The following ZNF433 variants were observed in gnomAD, a reference collection of about 807,000 sequenced individuals.
ZNF433 encodes zinc finger protein 433.
A neutral mutation model predicts 10.6 loss-of-function variants in ZNF433; 12 were observed. The observed-to-expected ratio is 1.13, with a 90% CI of 0.72 to 1.83. The LOEUF (loss-of-function observed/expected upper bound fraction) is 1.83. Among genes scored for constraint, ZNF433 ranks in the 40% most tolerant of loss-of-function variants. The pLI, the probability that ZNF433 is intolerant of heterozygous loss-of-function variation, is 0.00. For missense variants in ZNF433, 737 were observed against 798.0 expected, an observed-to-expected ratio of 0.92 and a Z score of 0.92; for synonymous variants, 272 against 271.3, an observed-to-expected ratio of 1.00 and a Z score of -0.02.
intron 1 of ZNF433, among the ~76,000 whole-genome samples, chr19:12,020,724 CTGAT>C (rs2145427036): frequency 6.6e-6 from 1 of 152,046 alleles, no homozygotes; most frequent in African/African-American, 2.4e-5. Flanking sequence ...CGAGACCAGA[CTGAT>C]TAACATGGTG....
In ZNF433 at chr19:12,022,184, G is replaced by A. The variant is rs1195661478; in HGVS notation, c.4-3892C>T. ...ACCCAGGGTAGAAAACCACTTAAAG[G>A]TGTTCCTAAACCACAAACAATAGCG... On this transcript the variant is annotated intron_variant, in intron 1 of 3. Transcript: ENST00000550507. 4 of 376,778 alleles carry A rather than the reference G, an allele frequency of 1.1e-5. No individual in the cohort carries two copies. In the Middle Eastern group the frequency reaches 2.8e-3, roughly 268 times the overall value. The allele number at this position is 376,778 out of a possible 1,614,324, so 23.3% of individuals were successfully genotyped here. A position where few individuals can be genotyped will look rare whatever the true frequency, so the allele number is the denominator to read the frequency against.
chr19:12,028,400 AT>A (rs1019495583), intron 1 of ZNF433, among the ~76,000 whole-genome samples: 1 of 152,254 alleles, frequency 6.6e-6, no homozygotes, highest in African/African-American at 2.4e-5. Context: ...AAATGTAAAA[AT>A]AAAATATACT....
At chr19:12,021,688 C>A (rs1974501126) in intron 1 of ZNF433, among the ~76,000 whole-genome samples, 1 of 152,112 alleles carries the variant, frequency 6.6e-6, no homozygotes, top group South Asian at 2.1e-4. Context: ...TCAATACAAT[C>A]TCTCTTTATA....
At chr19:12,026,072 A>G (rs1365153344) in intron 1 of ZNF433, 1 of 152,860 alleles carries the variant, frequency 6.5e-6, no homozygotes, top group East Asian at 1.9e-4. Flanking sequence ...AACAATATCT[A>G]CAGAAACCAG....
In ZNF433 at chr19:12,015,781, T is replaced by C. The variant is rs188694866; in HGVS notation, c.1077A>G (p.Gly359=). 1 of 1,614,114 alleles carries C rather than the reference T, an allele frequency of 6.2e-7. No individual in the cohort carries two copies. Among genetic ancestry groups the C allele is most frequent in the African/African-American group, 1.3e-5 (1 of 75,050 alleles). ...SFQNHLGMHT[G]EISHKCKICG... ...ATATCTTACATTTATGAGATATCTC[T>C]CCAGTGTGCATTCCCAAGTGGTTTT... is the stretch of plus-strand genomic sequence containing the variant. Residue 359 remains glycine, a synonymous_variant, in exon 4 of 4, where the codon GGA becomes GGG. Coordinates refer to ENST00000550507, the MANE Select transcript of ZNF433 (RefSeq NM_001308348.2).
At chr19:12,020,989 T>C (rs1974467888) in intron 1 of ZNF433, among the ~76,000 whole-genome samples, 1 of 149,760 alleles carries the variant, frequency 6.7e-6, no homozygotes, top group African/African-American at 2.5e-5. Context: ...TTTTTTTCTT[T>C]TTTTTTGAGA....
At chr19:12,025,280 A>G (rs1201116588) in intron 1 of ZNF433, 1 of 152,216 alleles carries the variant, frequency 6.6e-6, no homozygotes, top group Non-Finnish European at 1.5e-5. Flanking sequence ...CTCAGTTGCC[A>G]TTTCATACAG....
In ZNF433 at chr19:12,016,317, T is replaced by C; in HGVS notation, c.541A>G (p.Asn181Asp). ...TGCATTATCCTGTGTCTTTGAAGGT[T>C]TGAATGGGAAATAAATGTTTTTCCG... is the stretch of plus-strand genomic sequence containing the variant. The part of the protein sequence containing the change: ...ECGKTFISHS[N>D]LQRHRIMHRG... The change falls in exon 4 of 4, where the codon AAC becomes GAC. Residue 181 changes from asparagine (N) to aspartate (D), a missense_variant. By Grantham distance (23) the Asn-to-Asp change is conservative (BLOSUM62 1). Transcript: ENST00000550507. 1.9e-6 allele frequency: 3 copies of C among 1,614,234 alleles called. No individual in the cohort carries two copies. The highest frequency in any genetic ancestry group is 1.7e-6 in the Non-Finnish European group (2 of 1,180,032).
At chr19:12,034,720 G>T in intron 1 of ZNF433, 1 of 435,914 alleles carries the variant, frequency 2.3e-6, no homozygotes, top group Non-Finnish European at 4.6e-6. Flanking sequence ...CGAAGTTTTA[G>T]ACAAAGCTTC....
intron 1 of ZNF433, among the ~76,000 whole-genome samples, chr19:12,032,009 G>A (rs945898807): frequency 1.3e-5 from 2 of 150,112 alleles, no homozygotes; most frequent in Non-Finnish European, 3.0e-5. Context: ...CGCAATCTCG[G>A]CTCACCGCAA....
chr19:12,014,820 C>G lies in ZNF433; in HGVS notation c.*25G>C. ...AACTCCTGGGCTTAAGCAGTCCCCC[C>G]ACCTCAGCCTCCTAAAGCCTGGGGT... On this transcript the variant is annotated 3_prime_UTR_variant, in exon 4 of 4. Transcript: ENST00000550507. 1 of 1,500,684 alleles carries G rather than the reference C, an allele frequency of 6.7e-7. No individual in the cohort carries two copies. Among genetic ancestry groups the G allele is most frequent in the Non-Finnish European group, 8.9e-7 (1 of 1,121,878 alleles). The allele number at this position is 1,500,684 out of a possible 1,614,324, so 93.0% of individuals were successfully genotyped here. A position where few individuals can be genotyped will look rare whatever the true frequency, so the allele number is the denominator to read the frequency against.
chr19:12,026,741 CACA>C (rs777628255), intron 1 of ZNF433: 10 of 454,136 alleles, frequency 2.2e-5, no homozygotes, highest in South Asian at 1.6e-4. Flanking sequence ...AGAGGTGCTG[CACA>C]ACGATTCCTA....
chr19:12,032,751 T>G (rs1414753032), intron 1 of ZNF433, among the ~76,000 whole-genome samples: 1 of 152,198 alleles, frequency 6.6e-6, no homozygotes, highest in Non-Finnish European at 1.5e-5. Context: ...CTCAAAGTGC[T>G]GGGATTACAG....
At chr19:12,031,302 A>AAC (rs1228636816) in intron 1 of ZNF433, among the ~76,000 whole-genome samples, 2 of 139,190 alleles carry the variant, frequency 1.4e-5, no homozygotes, top group African/African-American at 6.6e-5. Flanking sequence ...CTCAAAAAAA[A>AAC]AAAAAAAACA....
chr19:12,016,677 T>G lies in ZNF433; in HGVS notation c.192-11A>C, dbSNP rs1568330755. 14 of 1,610,706 alleles carry G rather than the reference T, an allele frequency of 8.7e-6. No homozygotes were observed. Among genetic ancestry groups the G allele is most frequent in the Middle Eastern group, 1.7e-4 (1 of 6,054 alleles). ...CTCTCTCCCACAATTCTGTGAACAA[T>G]AAGAAGTACATTATAATGGGTTTGA... On this transcript the variant is annotated splice_polypyrimidine_tract_variant and intron_variant, in intron 3 of 3. Transcript: ENST00000550507.
rs200283717 is a variant in ZNF433 at position 12,015,295 on chromosome 19, A to G, written c.1563T>C (p.His521=). The change falls in exon 4 of 4, where the codon CAT becomes CAC. Residue 521 remains histidine, a synonymous_variant. Coordinates refer to ENST00000550507, the MANE Select transcript of ZNF433 (RefSeq NM_001308348.2). ...SFNCSSSFRY[H]GRTHTGEKPY... is the part of the protein sequence containing the mutation. Reference sequence around the variant, plus strand: ...GTTTCTCTCCAGTGTGAGTCCTTCCATGATATCGAAAGGAGCTCGAACAGT... The same window carrying G: ...GTTTCTCTCCAGTGTGAGTCCTTCCGTGATATCGAAAGGAGCTCGAACAGT... The G allele has an allele frequency of 9.3e-6, 15 of 1,613,956 alleles. No individual in the cohort carries two copies. The Admixed American group carries it at 1.5e-4, about 16-fold the overall frequency.
chr19:12,022,229 G>A, intron 1 of ZNF433: 8 of 329,160 alleles, frequency 2.4e-5, no homozygotes, highest in South Asian at 1.8e-4. Context: ...TCTGCCTTAA[G>A]GACGTGTTCC....
At chr19:12,023,874 T>C (rs867701313) in intron 1 of ZNF433, 2 of 151,912 alleles carry the variant, frequency 1.3e-5, no homozygotes, top group African/African-American at 4.8e-5. Flanking sequence ...AGTCAACATA[T>C]GATGCATGAA....
rs1360686844 is a variant in ZNF433, at chr19:12,021,775, G to T, written c.4-3483C>A. The stretch of plus-strand genomic sequence containing the variant: ...AGGGATAATAGGCTCTCTCCCTGTG[G>T]GGAGACAGCTGAGACTACCTCCCAC... On this transcript the variant is annotated intron_variant, in intron 1 of 3. Coordinates refer to ENST00000550507, the MANE Select transcript of ZNF433 (RefSeq NM_001308348.2). Among the ~76,000 whole-genome samples, 5 of 152,024 alleles carry T rather than the reference G, an allele frequency of 3.3e-5. 1 individual carries two copies. The highest frequency in any genetic ancestry group is 7.4e-5 in the Non-Finnish European group (5 of 67,996).
Sources: allele counts gnomAD v4.1 joint callset (sites outside exome capture counted in the v4.1 genomes callset), GRCh38; gene constraint gnomAD v4.1.1; transcripts MANE v1.5; gene names NCBI Gene and HGNC (gene_info 2026-07-23, HGNC 2026-07-21).